Variants in KCNMB2 observed in about 807,000 individuals in gnomAD.
KCNMB2 encodes the protein calcium-activated potassium channel subunit beta-2.
In KCNMB2, 9 loss-of-function variants were observed where a neutral mutation model predicts 24.5. The ratio of observed to expected loss-of-function variants is 0.37; its 90% CI spans 0.22 to 0.64. The LOEUF (loss-of-function observed/expected upper bound fraction) is 0.64, where lower values mean the gene tolerates loss of function less well. Ranked by LOEUF, KCNMB2 falls within the 30% of genes least tolerant of loss-of-function variation. KCNMB2 has a pLI of 0.63. For missense variants in KCNMB2, 226 were observed against 284.3 expected (o/e 0.79, Z 1.47); for synonymous variants, 109 against 104.4 (o/e 1.04, Z -0.27).
intron 1 of KCNMB2, among the ~76,000 whole-genome samples, chr3:178,672,324 G>A (rs1247841730): frequency 6.6e-6 from 1 of 152,132 alleles, no homozygotes; most frequent in Non-Finnish European, 1.5e-5. Flanking sequence ...CAAGGAAATG[G>A]CCATAAGTGT....
At chr3:178,842,142 C>T (rs1003940544) in intron 4 of KCNMB2, among the ~76,000 whole-genome samples, 1 of 151,948 alleles carries the variant, frequency 6.6e-6, no homozygotes, top group Non-Finnish European at 1.5e-5. Flanking sequence ...TGCAAAGTAA[C>T]CAAATAAAAT....
At chr3:178,786,247 C>A (rs1052041645) in intron 1 of KCNMB2, among the ~76,000 whole-genome samples, 5 of 152,096 alleles carry the variant, frequency 3.3e-5, no homozygotes, top group Non-Finnish European at 7.4e-5. Flanking sequence ...TTATAGTTCA[C>A]CCAATAACCA....
intron 1 of KCNMB2, among the ~76,000 whole-genome samples, chr3:178,698,729 G>A (rs1236200210): frequency 6.6e-6 from 1 of 152,178 alleles, no homozygotes; most frequent in Non-Finnish European, 1.5e-5. Context: ...GTGCTGATTT[G>A]TTCTCATCTT....
intron 2 of KCNMB2, among the ~76,000 whole-genome samples, chr3:178,824,050 T>C (rs994595473): frequency 2.2e-4 from 33 of 152,154 alleles, no homozygotes; most frequent in African/African-American, 7.7e-4. Context: ...AAAATAGACA[T>C]TGAAAAATCA....
At chr3:178,563,048 G>A (rs1324544114) in intron 1 of KCNMB2, among the ~76,000 whole-genome samples, 2 of 152,176 alleles carry the variant, frequency 1.3e-5, no homozygotes, top group African/African-American at 2.4e-5. Context: ...AAAGGAGAGT[G>A]GTCAGGATAC....
chr3:178,603,209 A>G (rs1320903561), intron 1 of KCNMB2, among the ~76,000 whole-genome samples: 1 of 152,186 alleles, frequency 6.6e-6, no homozygotes, highest in Non-Finnish European at 1.5e-5. Context: ...TGGTGCTTAT[A>G]AGTCTCATAA....
chr3:178,732,677 G>C (rs1003413382), intron 1 of KCNMB2, among the ~76,000 whole-genome samples: 1 of 152,146 alleles, frequency 6.6e-6, no homozygotes, highest in Non-Finnish European at 1.5e-5. Context: ...GTTGCCCTGA[G>C]TGCAATGTTA....
intron 1 of KCNMB2, among the ~76,000 whole-genome samples, chr3:178,642,473 T>A (rs1047801394): frequency 5.9e-5 from 9 of 152,164 alleles, no homozygotes; most frequent in Non-Finnish European, 1.0e-4. Context: ...TTCCTCACAG[T>A]ATTAATTCAA....
chr3:178,818,920 G>T (rs530468047), intron 2 of KCNMB2, among the ~76,000 whole-genome samples: 132 of 111,364 alleles, frequency 1.2e-3, no homozygotes, highest in Non-Finnish European at 1.7e-3. Context: ...CTTATATTCT[G>T]CCTGGATACT....
At chr3:178,706,726 C>T (rs564346177) in intron 1 of KCNMB2, among the ~76,000 whole-genome samples, 1 of 152,182 alleles carries the variant, frequency 6.6e-6, no homozygotes, top group Admixed American at 6.5e-5. Context: ...GCTATCTGCA[C>T]CTTCCCAAAT....
chr3:178,698,963 T>G (rs1433392790), intron 1 of KCNMB2, among the ~76,000 whole-genome samples: 1 of 152,202 alleles, frequency 6.6e-6, no homozygotes, highest in Admixed American at 6.5e-5. Flanking sequence ...TATCTGGCTC[T>G]TCAAGGTTTG....
At chr3:178,586,648 G>T (rs1027948471) in intron 1 of KCNMB2, among the ~76,000 whole-genome samples, 5 of 141,408 alleles carry the variant, frequency 3.5e-5, no homozygotes, top group Non-Finnish European at 4.5e-5. Flanking sequence ...GGGTTCAAGT[G>T]ATTCTCCTGC....
chr3:178,778,049 T>A (rs549607861), intron 1 of KCNMB2, among the ~76,000 whole-genome samples: 4 of 152,348 alleles, frequency 2.6e-5, no homozygotes, highest in Admixed American at 2.0e-4. Flanking sequence ...CCATGGAATT[T>A]TTCTTGAAAA....
intron 1 of KCNMB2, among the ~76,000 whole-genome samples, chr3:178,608,285 G>T (rs1718350027): frequency 6.6e-6 from 1 of 152,200 alleles, no homozygotes; most frequent in Non-Finnish European, 1.5e-5. Context: ...ATTTATTCCT[G>T]CAGGACATGG....
chr3:178,694,064 G>A (rs545604481), intron 1 of KCNMB2, among the ~76,000 whole-genome samples: 1 of 152,214 alleles, frequency 6.6e-6, no homozygotes, highest in East Asian at 1.9e-4. Context: ...ATAAAGGAAA[G>A]AAGTTTGACT....
chr3:178,684,132 A>G lies in KCNMB2; in HGVS notation c.-67-123211A>G, dbSNP rs74714435. On this transcript the variant is annotated intron_variant, in intron 1 of 4. Coordinates refer to ENST00000452583, the MANE Select transcript of KCNMB2 (RefSeq NM_181361.3). ...CATCACCAGATGAATGGATAAAGAA[A>G]CTGTTCTATATATATACAATGAAAA... Among the ~76,000 whole-genome samples the G allele has an allele frequency of 7.5e-3, 1,146 of 152,276 alleles. 15 individuals carry two copies. The highest frequency in any genetic ancestry group is 0.027 in the African/African-American group (1,111 of 41,564).
chr3:178,590,001 C>G (rs760838138), intron 1 of KCNMB2, among the ~76,000 whole-genome samples: 4 of 152,090 alleles, frequency 2.6e-5, no homozygotes, highest in African/African-American at 9.7e-5. Context: ...CTGTGTAAGA[C>G]GAAATCAAGT....
At chr3:178,630,965 G>A (rs1719299212) in intron 1 of KCNMB2, among the ~76,000 whole-genome samples, 1 of 152,150 alleles carries the variant, frequency 6.6e-6, no homozygotes, top group South Asian at 2.1e-4. Flanking sequence ...TTTATGTGAA[G>A]CACCTTATTT....
At chr3:178,763,164 A>G (rs1041498017) in intron 1 of KCNMB2, among the ~76,000 whole-genome samples, 2 of 152,182 alleles carry the variant, frequency 1.3e-5, no homozygotes, top group Non-Finnish European at 2.9e-5. Flanking sequence ...AGGTGAAGAT[A>G]TGAATTAATT....
Sources: allele counts gnomAD v4.1 joint callset (sites outside exome capture counted in the v4.1 genomes callset), GRCh38; gene constraint gnomAD v4.1.1; transcripts MANE v1.5; gene names NCBI Gene and HGNC (gene_info 2026-07-23, HGNC 2026-07-21).